Variants in GALNT2 observed in about 807,000 individuals in gnomAD.
GALNT2 encodes the protein UDP-GalNAc:polypeptide N-acetylgalactosaminyltransferase 2.
A neutral mutation model predicts 81.4 loss-of-function variants in GALNT2; 31 were observed. The observed-to-expected ratio is 0.38, with a 90% CI of 0.29 to 0.51. The LOEUF is 0.51. Among genes scored for constraint, GALNT2 ranks in the 20% least tolerant of loss-of-function variants. The pLI, the probability that GALNT2 is intolerant of heterozygous loss-of-function variation, is 0.87. For synonymous variants in GALNT2, 303 were observed against 287.4 expected (o/e 1.05, Z -0.55); for missense variants, 629 against 765.7 (o/e 0.82, Z 2.11).
chr1:230,223,668 G>A (rs1248549857), intron 3 of GALNT2, among the ~76,000 whole-genome samples: 4 of 151,962 alleles, frequency 2.6e-5, no homozygotes, highest in Non-Finnish European at 4.4e-5. Context: ...ACAGGGTTTC[G>A]CCATATTGGC....
Position 230,236,019 on chromosome 1 carries a change from A to T in GALNT2, c.380A>T (p.Gln127Leu). 1.2e-6 allele frequency: 2 copies of T among 1,614,066 alleles called. No homozygotes were observed. Among genetic ancestry groups the T allele is most frequent in the South Asian group, 1.1e-5 (1 of 91,080 alleles). Residue 127 changes from glutamine to leucine, a missense_variant, in exon 4 of 16, where the codon CAG becomes CTG. Coordinates refer to ENST00000366672, the MANE Select transcript of GALNT2 (RefSeq NM_004481.5). The part of the protein sequence containing the change: ...AIPDTRHDQC[Q>L]RKQWRVDLPA... ...CCATCTTTCTCTTCCTGCAGGTGTCAGCGGAAGCAGTGGCGGGTGGATCTG... is the reference window on the plus strand; with the variant it reads ...CCATCTTTCTCTTCCTGCAGGTGTCTGCGGAAGCAGTGGCGGGTGGATCTG...
chr1:230,179,150 T>G (rs769388757), intron 2 of GALNT2, among the ~76,000 whole-genome samples: 1 of 151,890 alleles, frequency 6.6e-6, no homozygotes, highest in Non-Finnish European at 1.5e-5. Context: ...AGCTCATTTC[T>G]TAATGAATTA....
chr1:230,167,961 A>ACCCC (rs5781575), intron 1 of GALNT2, among the ~76,000 whole-genome samples: 224 of 151,576 alleles, frequency 1.5e-3, no homozygotes, highest in African/African-American at 5.3e-3. Context: ...TTTCTAAAAT[A>ACCCC]CCCCCCCCTT....
chr1:230,213,168 C>T (rs1196666251), intron 3 of GALNT2, among the ~76,000 whole-genome samples: 1 of 152,240 alleles, frequency 6.6e-6, no homozygotes, highest in Non-Finnish European at 1.5e-5. Context: ...TTTCTGCCAT[C>T]ATCCTGGGAA....
At chr1:230,067,175 C>A (rs2102737693), upstream of GALNT2, 2 of 587,858 alleles carry the variant, frequency 3.4e-6, no homozygotes, top group Non-Finnish European at 4.6e-6. Flanking sequence ...GCCGCCGCCG[C>A]GCCCTTCCCC....
chr1:230,101,846 A>G (rs1460687154), intron 1 of GALNT2, among the ~76,000 whole-genome samples: 10 of 152,152 alleles, frequency 6.6e-5, no homozygotes, highest in Non-Finnish European at 2.9e-5. Context: ...TTGGCCTGGG[A>G]GAGGATTGAT....
At chr1:230,154,324 C>G (rs1405341448) in intron 1 of GALNT2, among the ~76,000 whole-genome samples, 2 of 152,212 alleles carry the variant, frequency 1.3e-5, no homozygotes, top group African/African-American at 2.4e-5. Context: ...GCTCATCACC[C>G]TCTGCTCTGG....
chr1:230,204,921 A>G (rs992003752), intron 3 of GALNT2, among the ~76,000 whole-genome samples: 4 of 152,136 alleles, frequency 2.6e-5, no homozygotes, highest in African/African-American at 7.2e-5. Flanking sequence ...GTGTAGCTCC[A>G]TGGGTTGGGC....
At chr1:230,255,440 T>TGG in intron 11 of GALNT2, 96 bp downstream of exon 11, 1 of 1,487,220 alleles carries the variant, frequency 6.7e-7, no homozygotes, top group Non-Finnish European at 9.3e-7. Context: ...TGTCCTTCAG[T>TGG]GGGTGTGGTG....
chr1:230,279,556 A>G lies in GALNT2; in HGVS notation c.*98A>G, dbSNP rs1349789188. 4 of 1,387,842 alleles carry G rather than the reference A, an allele frequency of 2.9e-6. No individual in the cohort carries two copies. The highest frequency in any genetic ancestry group is 2.9e-5 in the African/African-American group (2 of 69,960). 86.0% of individuals were successfully genotyped at this position (1,387,842 alleles called of 1,614,324 possible). ...TGTTTCTTAAACTTTCCGCGAAACT[A>G]ATATACCTCAGTATTCCATCATGGT... is the stretch of plus-strand genomic sequence containing the variant. On this transcript the variant is annotated 3_prime_UTR_variant, in exon 16 of 16. Transcript: ENST00000366672. This position sits in a 1 kb window ranked among gnomAD's most constrained non-coding sequence, Gnocchi z 4.6.
intron 3 of GALNT2, among the ~76,000 whole-genome samples, chr1:230,208,895 G>C (rs569016390): frequency 2.0e-5 from 3 of 152,020 alleles, no homozygotes; most frequent in Non-Finnish European, 4.4e-5. Context: ...TACCCGTGGG[G>C]TGCTCCTGGC....
intron 1 of GALNT2, among the ~76,000 whole-genome samples, chr1:230,171,687 G>A (rs1662798651): frequency 6.6e-6 from 1 of 152,134 alleles, no homozygotes; most frequent in African/African-American, 2.4e-5. Context: ...TAAATTATAT[G>A]GAAGCAGCTT....
At chr1:230,116,203 A>G (rs919315767) in intron 1 of GALNT2, among the ~76,000 whole-genome samples, 1 of 152,024 alleles carries the variant, frequency 6.6e-6, no homozygotes, top group Non-Finnish European at 1.5e-5. Flanking sequence ...AGGAGTCACT[A>G]TCTATGGCAG....
chr1:230,191,524 T>C (rs2102697016), intron 2 of GALNT2, among the ~76,000 whole-genome samples: 1 of 152,348 alleles, frequency 6.6e-6, no homozygotes. Context: ...TTTGTTTCTG[T>C]TGTTGTTTTG....
chr1:230,230,857 A>G (rs1664845860), intron 3 of GALNT2, among the ~76,000 whole-genome samples: 1 of 152,136 alleles, frequency 6.6e-6, no homozygotes, highest in Non-Finnish European at 1.5e-5. Context: ...TTTCCTTCCC[A>G]TGACCCTCTG....
chr1:230,160,655 G>C (rs1030960978), intron 1 of GALNT2, among the ~76,000 whole-genome samples: 1 of 151,848 alleles, frequency 6.6e-6, no homozygotes, highest in African/African-American at 2.4e-5. Context: ...TGGAGGTTGC[G>C]GTGAGCCAAC....
At chr1:230,069,007 C>T (rs146321707) in intron 1 of GALNT2, among the ~76,000 whole-genome samples, 1 of 152,346 alleles carries the variant, frequency 6.6e-6, no homozygotes, top group Non-Finnish European at 1.5e-5. Flanking sequence ...CTCTGCATAG[C>T]CTGGTGTGCT....
chr1:230,062,789 T>G (rs1335852832), upstream of GALNT2, among the ~76,000 whole-genome samples: 1 of 152,184 alleles, frequency 6.6e-6, no homozygotes, highest in Non-Finnish European at 1.5e-5. Context: ...TCCCACCCTT[T>G]GGCCACTGTA....
rs182117097 is a variant in GALNT2 at position 230,140,676 on chromosome 1, T to G, written c.127-37542T>G. 2.6e-5 allele frequency among the ~76,000 whole-genome samples: 4 copies of G among 152,324 alleles called. No individual in the cohort carries two copies. In the East Asian group the frequency reaches 7.7e-4, roughly 29 times the overall value. On this transcript the variant is annotated intron_variant, in intron 1 of 15. Coordinates refer to ENST00000366672, the MANE Select transcript of GALNT2 (RefSeq NM_004481.5). ...GGTTTTATCTTCTCCCCTCCCACAATGAGTTCTGTCTGTGTCAAGTGTTTA... is the reference window on the plus strand; with the variant it reads ...GGTTTTATCTTCTCCCCTCCCACAAGGAGTTCTGTCTGTGTCAAGTGTTTA...
Sources: allele counts gnomAD v4.1 joint callset (sites outside exome capture counted in the v4.1 genomes callset), GRCh38; gene constraint gnomAD v4.1.1; non-coding constraint Gnocchi (gnomAD v3.1); transcripts MANE v1.5; gene names NCBI Gene and HGNC (gene_info 2026-07-23, HGNC 2026-07-21).